Variants in FNIP2 observed in about 807,000 individuals in gnomAD.
The protein encoded by FNIP2 is folliculin interacting protein 2.
A neutral mutation model predicts 108.7 loss-of-function variants in FNIP2; 32 were observed. The ratio of observed to expected loss-of-function variants is 0.29; its 90% confidence interval spans 0.22 to 0.40. The LOEUF is 0.40. FNIP2 is among the 10% of genes least tolerant of loss of function. The probability of loss-of-function intolerance (pLI) is 1.00; values close to 1 mark genes in which losing one functional copy is unlikely to be tolerated. For synonymous variants in FNIP2, 480 were observed against 496.7 expected, an observed-to-expected ratio of 0.97 and a Z score of 0.45; for missense variants, 1,202 against 1,381.6, an observed-to-expected ratio of 0.87 and a Z score of 2.06.
intron 1 of FNIP2, among the ~76,000 whole-genome samples, chr4:158,802,985 T>C (rs575079112): frequency 1.3e-5 from 2 of 152,346 alleles, no homozygotes; most frequent in African/African-American, 4.8e-5. Context: ...GTAGTCTGCC[T>C]TCCTTACATA....
chr4:158,864,250 T>G (rs1043614717), intron 12 of FNIP2, among the ~76,000 whole-genome samples: 18 of 152,102 alleles, frequency 1.2e-4, no homozygotes, highest in African/African-American at 4.3e-4. Flanking sequence ...GTCGCTGGTC[T>G]TGAACTGGGC....
At chr4:158,893,671 TA>T in intron 15 of FNIP2, 1 of 1,580,414 alleles carries the variant, frequency 6.3e-7, no homozygotes, top group Non-Finnish European at 8.6e-7. Flanking sequence ...TTTCTCCTTC[TA>T]AAAGCAGGTT....
intron 1 of FNIP2, among the ~76,000 whole-genome samples, chr4:158,791,345 G>A (rs962676029): frequency 7.2e-6 from 1 of 139,356 alleles, no homozygotes; most frequent in African/African-American, 2.7e-5. Flanking sequence ...GTGCAATGGT[G>A]CGATCTCAGC....
At chr4:158,862,345 T>C (rs1403463226) in intron 12 of FNIP2, among the ~76,000 whole-genome samples, 1 of 152,224 alleles carries the variant, frequency 6.6e-6, no homozygotes, top group African/African-American at 2.4e-5. Context: ...CCTACCCTTA[T>C]TACTCTCAGC....
chr4:158,856,967 C>G (rs1780020885), intron 8 of FNIP2, among the ~76,000 whole-genome samples: 1 of 152,178 alleles, frequency 6.6e-6, no homozygotes, highest in African/African-American at 2.4e-5. Flanking sequence ...GAATGAAACT[C>G]AGTTGATTTA....
rs745905202 is a variant in FNIP2, at chr4:158,895,884, C to T, written c.3266+19C>T. 8.4e-6 allele frequency: 13 copies of T among 1,540,732 alleles called. No homozygotes were observed. Among genetic ancestry groups the T allele is most frequent in the African/African-American group, 2.7e-5 (2 of 73,426 alleles). ...TACTGGGGTGAGTTCTGTGAAGTGC[C>T]GTCACTTGTCCCTTTGATAGGTATC... On this transcript the variant is annotated intron_variant, in intron 16 of 16. Coordinates refer to ENST00000264433, the MANE Select transcript of FNIP2 (RefSeq NM_020840.3).
chr4:158,822,132 A>G (rs1487228377), intron 1 of FNIP2, among the ~76,000 whole-genome samples: 1 of 151,686 alleles, frequency 6.6e-6, no homozygotes, highest in East Asian at 1.9e-4. Flanking sequence ...TATGTATTAA[A>G]CCAAAGACAG....
chr4:158,770,612 C>A (rs1331032189), intron 1 of FNIP2, among the ~76,000 whole-genome samples: 1 of 152,128 alleles, frequency 6.6e-6, no homozygotes, highest in African/African-American at 2.4e-5. Flanking sequence ...TTAAACTCCC[C>A]AAGTTAAATT....
chr4:158,855,267 T>C (rs1027620685), intron 8 of FNIP2, among the ~76,000 whole-genome samples: 17 of 152,122 alleles, frequency 1.1e-4, no homozygotes, highest in African/African-American at 4.1e-4. Flanking sequence ...AGTCCAAAGA[T>C]AAAATTATTT....
chr4:158,788,837 G>A (rs1407700992), intron 1 of FNIP2, among the ~76,000 whole-genome samples: 1 of 152,210 alleles, frequency 6.6e-6, no homozygotes. Context: ...ACTTTGTTTT[G>A]TTGGTCATCA....
intron 1 of FNIP2, among the ~76,000 whole-genome samples, chr4:158,807,760 C>T (rs1233827686): frequency 6.6e-6 from 1 of 152,128 alleles, no homozygotes; most frequent in Non-Finnish European, 1.5e-5. Context: ...TAGTCCATTA[C>T]AGCGTAAGAG....
intron 14 of FNIP2, among the ~76,000 whole-genome samples, 178 bp from the exon 15 acceptor site, chr4:158,891,268 T>G (rs1280828710): frequency 6.8e-6 from 1 of 146,216 alleles, no homozygotes; most frequent in Non-Finnish European, 1.5e-5. Flanking sequence ...TCCTTGTGAC[T>G]GCTTCAGTGT....
At chr4:158,885,450 G>A (rs1781977700) in intron 14 of FNIP2, among the ~76,000 whole-genome samples, 1 of 152,196 alleles carries the variant, frequency 6.6e-6, no homozygotes, top group African/African-American at 2.4e-5. Flanking sequence ...TAGAGTTGGT[G>A]AAGGAAATGA....
chr4:158,861,284 G>C, intron 10 of FNIP2, 58 bp from the exon 11 acceptor site: 1 of 1,541,482 alleles, frequency 6.5e-7, no homozygotes. Context: ...TTTACACCAA[G>C]ATTATCCAAA....
At chr4:158,823,727 G>C (rs1351790211) in intron 1 of FNIP2, among the ~76,000 whole-genome samples, 1 of 152,112 alleles carries the variant, frequency 6.6e-6, no homozygotes, top group South Asian at 2.1e-4. Context: ...TTTCAGACAG[G>C]CCCTTACTTC....
At chr4:158,772,159 T>C (rs1373131069) in intron 1 of FNIP2, among the ~76,000 whole-genome samples, 1 of 152,172 alleles carries the variant, frequency 6.6e-6, no homozygotes, top group Non-Finnish European at 1.5e-5. Flanking sequence ...CTTACATGTT[T>C]GGGAGAAGTA....
chr4:158,806,121 G>A, intron 1 of FNIP2: 1 of 1,195,062 alleles, frequency 8.4e-7, no homozygotes, highest in Non-Finnish European at 1.1e-6. Context: ...TATAGGGAGT[G>A]AAATGATTGT....
chr4:158,860,654 CTT>C (rs34208761), intron 10 of FNIP2, among the ~76,000 whole-genome samples: 220 of 121,088 alleles, frequency 1.8e-3, no homozygotes, highest in African/African-American at 6.2e-3. Context: ...CTGGGTCCCA[CTT>C]TTTTTTTTTT....
intron 14 of FNIP2, among the ~76,000 whole-genome samples, chr4:158,873,553 A>C (rs1286811817): frequency 6.6e-6 from 1 of 152,160 alleles, no homozygotes; most frequent in Non-Finnish European, 1.5e-5. Flanking sequence ...TTTTTCTCTC[A>C]TTGAGAGATT....
Sources: allele counts gnomAD v4.1 joint callset (sites outside exome capture counted in the v4.1 genomes callset), GRCh38; gene constraint gnomAD v4.1.1; transcripts MANE v1.5; gene names NCBI Gene and HGNC (gene_info 2026-07-23, HGNC 2026-07-21).